KDM4D: variants seen among roughly 807,000 people sequenced by gnomAD.
KDM4D encodes the protein lysine demethylase 4D.
For missense variants in KDM4D, 427 were observed against 674.8 expected, an observed-to-expected ratio of 0.63 and a Z score of 4.07; for synonymous variants, 254 against 249.1, an observed-to-expected ratio of 1.02 and a Z score of -0.19.
chr11:94,999,132 T>C lies in KDM4D; in HGVS notation c.*188T>C. On this transcript the variant is annotated 3_prime_UTR_variant, in exon 3 of 3. Coordinates refer to ENST00000335080, the MANE Select transcript of KDM4D (RefSeq NM_018039.3). ...TTCAATTTTGCCATACTTTTGTTCT[T>C]CCTACCGGACCCTGGAATGTCTTTG... is the stretch of plus-strand genomic sequence containing the variant. 2.1e-6 allele frequency: 1 copy of C among 486,518 alleles called. No homozygotes were observed. 30.1% of individuals were successfully genotyped at this position (486,518 alleles called of 1,614,324 possible).
In KDM4D at chr11:94,997,558, C is replaced by T. The variant is rs1411033525; in HGVS notation, c.186C>T (p.Thr62=). The T allele has an allele frequency of 6.2e-7, 1 of 1,613,878 alleles. No individual in the cohort carries two copies. The highest frequency in any genetic ancestry group is 1.7e-5 in the Admixed American group (1 of 59,976). The change falls in exon 3 of 3, where the codon ACC becomes ACT. Residue 62 remains threonine (T), a synonymous_variant. Transcript: ENST00000335080. ...IPPKEWKARE[T]YDNISEILIA... ...CCAAAGAATGGAAAGCCAGAGAGAC[C>T]TATGATAATATCAGTGAAATCTTAA...
In KDM4D at chr11:94,998,242, A is replaced by G; in HGVS notation, c.870A>G (p.Ala290=). 6.2e-7 allele frequency: 1 copy of G among 1,614,252 alleles called. No homozygotes were observed. Among genetic ancestry groups the G allele is most frequent in the South Asian group, 1.1e-5 (1 of 91,086 alleles). ...GCTTCAACCATGGTTTCAACTGCGC[A>G]GAGGCCATCAATTTTGCCACTCCGC... ...HAGFNHGFNC[A]EAINFATPRW... The change falls in exon 3 of 3, where the codon GCA becomes GCG. Residue 290 remains alanine (A), a synonymous_variant. Coordinates refer to ENST00000335080, the MANE Select transcript of KDM4D (RefSeq NM_018039.3). The surrounding 1 kb of genome is among the most constrained non-coding windows in gnomAD (Gnocchi z 6.7).
chr11:94,975,867 C>A (rs2134107343), intron 2 of KDM4D, 119 bp downstream of exon 2: 1 of 152,254 alleles, frequency 6.6e-6, no homozygotes, highest in Middle Eastern at 3.4e-3. Context: ...TATGTTCCAA[C>A]TGTCCTCATT....
chr11:94,977,852 A>G (rs1857810665), intron 2 of KDM4D, among the ~76,000 whole-genome samples: 1 of 152,170 alleles, frequency 6.6e-6, no homozygotes, highest in African/African-American at 2.4e-5. Flanking sequence ...ATAGCTACCC[A>G]ATAAACAGTT....
At chr11:94,992,176 A>T (rs587678087) in intron 2 of KDM4D, among the ~76,000 whole-genome samples, 1 of 152,234 alleles carries the variant, frequency 6.6e-6, no homozygotes, top group East Asian at 1.9e-4. Flanking sequence ...CATGAAAAAC[A>T]TGAAAAATAT....
intron 2 of KDM4D, among the ~76,000 whole-genome samples, chr11:94,989,095 A>C (rs1484453667): frequency 6.6e-6 from 1 of 152,212 alleles, no homozygotes; most frequent in Non-Finnish European, 1.5e-5. Flanking sequence ...AATTAATATA[A>C]AGTGTAAAGC....
intron 2 of KDM4D, among the ~76,000 whole-genome samples, chr11:94,990,210 T>G (rs1857923446): frequency 6.6e-6 from 1 of 152,226 alleles, no homozygotes; most frequent in Non-Finnish European, 1.5e-5. Flanking sequence ...GAAAGCTGCT[T>G]GTCAAGTAAG....
chr11:94,986,368 T>C (rs894830221), intron 2 of KDM4D, among the ~76,000 whole-genome samples: 1 of 152,104 alleles, frequency 6.6e-6, no homozygotes, highest in Non-Finnish European at 1.5e-5. Flanking sequence ...GGTGAGAGGA[T>C]TGCTTGAGCC....
intron 2 of KDM4D, among the ~76,000 whole-genome samples, chr11:94,977,692 A>G (rs1555097139): frequency 6.6e-6 from 1 of 151,932 alleles, no homozygotes; most frequent in African/African-American, 2.4e-5. Flanking sequence ...CATGGCATTT[A>G]TCATCTTCCA....
At chr11:94,995,341 A>T (rs1319935733) in intron 2 of KDM4D, among the ~76,000 whole-genome samples, 1 of 152,234 alleles carries the variant, frequency 6.6e-6, no homozygotes, top group East Asian at 1.9e-4. Context: ...AAAGTGCTTA[A>T]TAAGGGGTCT....
chr11:94,990,161 A>G (rs1857922995), intron 2 of KDM4D, among the ~76,000 whole-genome samples: 1 of 152,220 alleles, frequency 6.6e-6, no homozygotes, highest in South Asian at 2.1e-4. Flanking sequence ...CATCTCATGG[A>G]AGAGACTTAT....
chr11:94,986,655 A>C (rs782765726), intron 2 of KDM4D, among the ~76,000 whole-genome samples: 3 of 152,294 alleles, frequency 2.0e-5, no homozygotes, highest in Non-Finnish European at 2.9e-5. Flanking sequence ...GAATTGCTGT[A>C]ATGAAAAAGA....
chr11:94,982,723 A>T (rs1318142248), intron 2 of KDM4D, among the ~76,000 whole-genome samples: 1 of 151,950 alleles, frequency 6.6e-6, no homozygotes, highest in African/African-American at 2.4e-5. Flanking sequence ...AAATAATAAG[A>T]AAACTTAATA....
Position 94,998,377 on chromosome 11 carries a change from G to A in KDM4D, c.1005G>A (p.Leu335=). The A allele has an allele frequency of 6.2e-7, 1 of 1,614,154 alleles. No homozygotes were observed. The highest frequency in any genetic ancestry group is 1.1e-5 in the South Asian group (1 of 91,088). The change falls in exon 3 of 3, where the codon CTG becomes CTA. Residue 335 remains leucine (L), a synonymous_variant. Transcript: ENST00000335080. The surrounding 1 kb of genome is among the most constrained non-coding windows in gnomAD (Gnocchi z 6.7). ...VRILQPERYD[L]WKRGQDRAVV... The stretch of plus-strand genomic sequence containing the variant: ...TCCTGCAACCTGAACGCTATGACCT[G>A]TGGAAACGTGGGCAAGACCGGGCAG...
At chr11:94,989,194 AT>A (rs1374533545) in intron 2 of KDM4D, among the ~76,000 whole-genome samples, 6 of 152,188 alleles carry the variant, frequency 3.9e-5, no homozygotes, top group Non-Finnish European at 7.4e-5. Context: ...GCCAAAGGGG[AT>A]TTTTTTAAAA....
intron 2 of KDM4D, among the ~76,000 whole-genome samples, chr11:94,979,555 T>C (rs1229718754): frequency 6.6e-6 from 1 of 152,160 alleles, no homozygotes; most frequent in African/African-American, 2.4e-5. Context: ...TAAATGATAA[T>C]AGTCTTGCCA....
intron 2 of KDM4D, among the ~76,000 whole-genome samples, chr11:94,992,558 A>G (rs1857943727): frequency 6.6e-6 from 1 of 152,072 alleles, no homozygotes; most frequent in South Asian, 2.1e-4. Flanking sequence ...AGTAAATTTG[A>G]TCAGTGTTCA....
Position 94,998,025 on chromosome 11 carries a change from A to G in KDM4D, c.653A>G (p.Glu218Gly), listed in dbSNP as rs1286881916. The G allele has an allele frequency of 4.3e-6, 7 of 1,614,104 alleles. No individual in the cohort carries two copies. In the East Asian group the frequency reaches 1.6e-4, roughly 36 times the overall value. Residue 218 changes from glutamate (E) to glycine (G), a missense_variant, in exon 3 of 3, where the codon GAA becomes GGA. Glu to Gly is a moderately conservative substitution (Grantham distance 98, BLOSUM62 -2). Transcript: ENST00000335080. This position sits in a 1 kb window ranked among gnomAD's most constrained non-coding sequence, Gnocchi z 6.7. ...AAAACTTGGTATGTGGTGCCCCCAG[A>G]ACATGGCCAGCGCCTGGAACGCCTG... is the stretch of plus-strand genomic sequence containing the variant. ...EPKTWYVVPP[E>G]HGQRLERLAR...
intron 2 of KDM4D, 109 bp downstream of exon 2, chr11:94,975,857 T>C (rs1167890333): frequency 6.6e-6 from 1 of 152,182 alleles, no homozygotes. Flanking sequence ...CCACAGTTTT[T>C]ATGTTCCAAC....
Sources: gnomAD v4.1 joint callset for allele counts (sites outside exome capture counted in the v4.1 genomes callset) on GRCh38, gnomAD v4.1.1 for gene constraint, Gnocchi (gnomAD v3.1) non-coding constraint, MANE v1.5 for transcripts, NCBI Gene and HGNC (gene_info 2026-07-23, HGNC 2026-07-21) for gene names.